The following RYR3 variants were observed in gnomAD, a reference collection of about 807,000 sequenced individuals.
The protein encoded by RYR3 is brain ryanodine receptor-calcium release channel.
Under a neutral mutation model 584.3 loss-of-function variants are expected in RYR3, and 207 were observed. The observed-to-expected ratio is 0.35, with a 90% confidence interval of 0.32 to 0.40. RYR3 has a LOEUF of 0.40. Among genes scored for constraint, RYR3 ranks in the 10% least tolerant of loss-of-function variants. The pLI is 1.00. For missense variants in RYR3, 5,616 were observed against 6,089.2 expected, an observed-to-expected ratio of 0.92 and a Z score of 2.59; for synonymous variants, 2,416 against 2,248.5, an observed-to-expected ratio of 1.07 and a Z score of -2.11.
At chr15:33,508,597 C>T (rs528316722) in intron 3 of RYR3, among the ~76,000 whole-genome samples, 2 of 152,302 alleles carry the variant, frequency 1.3e-5, no homozygotes, top group Admixed American at 1.3e-4. Context: ...TTGCAGTGAG[C>T]TGAGATTGCA....
At chr15:33,449,129 T>C (rs1189460030) in intron 1 of RYR3, among the ~76,000 whole-genome samples, 2 of 152,148 alleles carry the variant, frequency 1.3e-5, no homozygotes, top group Non-Finnish European at 2.9e-5. Flanking sequence ...GCTTGGAATC[T>C]GGGTGTGGTT....
chr15:33,482,120 T>G (rs564232944), intron 2 of RYR3, among the ~76,000 whole-genome samples: 1 of 152,252 alleles, frequency 6.6e-6, no homozygotes, highest in African/African-American at 2.4e-5. Context: ...TTCTTATACT[T>G]CAGATCTGCT....
At chr15:33,441,007 T>C (rs2046184089) in intron 1 of RYR3, among the ~76,000 whole-genome samples, 1 of 152,192 alleles carries the variant, frequency 6.6e-6, no homozygotes, top group Admixed American at 6.5e-5. Context: ...CGCTTGGTGT[T>C]GTGTGACAGC....
At chr15:33,830,057 A>G (rs978198032) in intron 85 of RYR3, among the ~76,000 whole-genome samples, 4 of 152,236 alleles carry the variant, frequency 2.6e-5, no homozygotes, top group East Asian at 1.9e-4. Context: ...TGCTCTAAAC[A>G]TTGTTGAAAT....
At chr15:33,325,999 G>A (rs1969650191) in intron 1 of RYR3, among the ~76,000 whole-genome samples, 1 of 151,926 alleles carries the variant, frequency 6.6e-6, no homozygotes, top group African/African-American at 2.4e-5. Context: ...ATGGGGTTTT[G>A]CCATTTTGCC....
intron 44 of RYR3, 22 bp downstream of exon 44, chr15:33,722,917 C>T: frequency 6.5e-7 from 1 of 1,536,802 alleles, no homozygotes; most frequent in Non-Finnish European, 8.8e-7. Context: ...GAATTCCCTT[C>T]CGGCACAGAT....
At position 33,476,375 on chromosome 15, in the gene RYR3, C is replaced by T. The variant is rs182866474; in HGVS notation, c.171+2837C>T. Among the ~76,000 whole-genome samples, 99 of 152,226 alleles carry T rather than the reference C, an allele frequency of 6.5e-4. 1 individual carries two copies. The highest frequency in any genetic ancestry group is 6.3e-3 in the Admixed American group (96 of 15,288). On this transcript the variant is annotated intron_variant, in intron 2 of 103. Transcript: ENST00000634891. Reference sequence around the variant, plus strand: ...ATTGTTCTTATTTTAATTTGTCATTCTAAATTTCAAGCAAGATAAGACTGA... The same window carrying T: ...ATTGTTCTTATTTTAATTTGTCATTTTAAATTTCAAGCAAGATAAGACTGA...
chr15:33,311,858 G>A lies in RYR3; in HGVS notation c.51+762G>A, dbSNP rs1245850400. 6.6e-6 allele frequency among the ~76,000 whole-genome samples: 1 copy of A among 152,216 alleles called. No individual in the cohort carries two copies. The highest frequency in any genetic ancestry group is 1.5e-5 in the Non-Finnish European group (1 of 68,040). On this transcript the variant is annotated intron_variant, in intron 1 of 103. Transcript: ENST00000634891. This position sits in a 1 kb window ranked among gnomAD's most constrained non-coding sequence, Gnocchi z 4.4. ...GCGCTGCTCCGTCCCAGATTTGGGG[G>A]TGAGGGGGCGAAGTCTGTTGCAGCC... is the stretch of plus-strand genomic sequence containing the variant.
intron 6 of RYR3, among the ~76,000 whole-genome samples, chr15:33,540,411 C>A (rs533616624): frequency 6.6e-6 from 1 of 152,124 alleles, no homozygotes; most frequent in South Asian, 2.1e-4. Context: ...AGAAGCTTCT[C>A]ACGGAGTCAA....
At chr15:33,702,960 G>A (rs1275567959) in intron 42 of RYR3, among the ~76,000 whole-genome samples, 1 of 152,066 alleles carries the variant, frequency 6.6e-6, no homozygotes, top group Non-Finnish European at 1.5e-5. Context: ...ACAGGGTGAG[G>A]AAAGAGAGAG....
intron 1 of RYR3, among the ~76,000 whole-genome samples, chr15:33,471,641 A>G (rs79455521): frequency 6.6e-6 from 1 of 150,386 alleles, no homozygotes; most frequent in East Asian, 1.9e-4. Context: ...TGATTTCTAA[A>G]TGCCTGAGTT....
chr15:33,624,049 C>A, intron 20 of RYR3, 26 bp downstream of exon 20: 1 of 1,481,492 alleles, frequency 6.7e-7, no homozygotes, highest in Non-Finnish European at 9.4e-7. Context: ...CCGCAGAAGG[C>A]AACCAATATA....
chr15:33,499,425 A>C (rs1162817793), intron 2 of RYR3, among the ~76,000 whole-genome samples: 6 of 151,828 alleles, frequency 4.0e-5, no homozygotes, highest in Non-Finnish European at 8.8e-5. Flanking sequence ...TTTGTCTCAT[A>C]CTTCAAAAAT....
chr15:33,503,800 C>G, intron 3 of RYR3, 62 bp downstream of exon 3: 1 of 943,384 alleles, frequency 1.1e-6, no homozygotes, highest in South Asian at 1.4e-5. Context: ...AAAATACGTT[C>G]TACATTTCAT....
intron 48 of RYR3, among the ~76,000 whole-genome samples, chr15:33,735,110 C>G (rs2069329204): frequency 6.6e-6 from 1 of 152,140 alleles, no homozygotes. Context: ...TGATACTTAA[C>G]TAGGTTTTTT....
chr15:33,780,480 G>A, intron 65 of RYR3, 139 bp downstream of exon 65: 1 of 785,382 alleles, frequency 1.3e-6, no homozygotes, highest in Non-Finnish European at 2.0e-6. Context: ...TAGGGACTAG[G>A]TTGCAGGTCT....
chr15:33,533,959 TA>T (rs1424072145), intron 5 of RYR3, among the ~76,000 whole-genome samples: 1 of 152,250 alleles, frequency 6.6e-6, no homozygotes, highest in Non-Finnish European at 1.5e-5. Flanking sequence ...GCCGTAAGTA[TA>T]AACTGTTTTT....
rs376459666 is a variant in RYR3, at chr15:33,656,894, T to C, written c.4309-2826T>C. 1.4e-4 allele frequency among the ~76,000 whole-genome samples: 20 copies of C among 146,912 alleles called. 1 individual carries two copies. In the East Asian group the frequency reaches 2.5e-3, roughly 18 times the overall value. On this transcript the variant is annotated intron_variant, in intron 32 of 103. Transcript: ENST00000634891. ...AGGAAAACTCCTGCCTTTAGAAGCCTCATGCAATTTGAAAAGGCCAACAAG... is the reference window on the plus strand; with the variant it reads ...AGGAAAACTCCTGCCTTTAGAAGCCCCATGCAATTTGAAAAGGCCAACAAG...
intron 18 of RYR3, among the ~76,000 whole-genome samples, chr15:33,608,439 C>A (rs1051928123): frequency 1.3e-5 from 2 of 152,234 alleles, no homozygotes; most frequent in African/African-American, 4.8e-5. Context: ...ATTTATAACA[C>A]ACACTATGCA....
Sources: gnomAD v4.1 joint callset for allele counts (sites outside exome capture counted in the v4.1 genomes callset) on GRCh38, gnomAD v4.1.1 for gene constraint, Gnocchi (gnomAD v3.1) non-coding constraint, MANE v1.5 for transcripts, NCBI Gene and HGNC (gene_info 2026-07-23, HGNC 2026-07-21) for gene names.